Variants in CEMIP observed in about 807,000 individuals in gnomAD.
CEMIP encodes the protein cell migration inducing hyaluronidase 1.
A neutral mutation model predicts 156.9 loss-of-function variants in CEMIP; 105 were observed. The observed-to-expected ratio is 0.67, with a 90% CI of 0.57 to 0.79. The LOEUF is 0.79. Ranked by LOEUF, CEMIP falls within the 30% of genes least tolerant of loss-of-function variation. The pLI is 0.00. For missense variants in CEMIP, 1,457 were observed against 1,769.4 expected, an observed-to-expected ratio of 0.82 and a Z score of 3.17; for synonymous variants, 676 against 668.4, an observed-to-expected ratio of 1.01 and a Z score of -0.17.
chr15:80,780,754 G>C (rs1205803444), intron 1 of CEMIP, among the ~76,000 whole-genome samples: 1 of 152,340 alleles, frequency 6.6e-6, no homozygotes, highest in East Asian at 1.9e-4. Context: ...GGGAGCCGGC[G>C]GCTCTGCGTG....
intron 1 of CEMIP, among the ~76,000 whole-genome samples, chr15:80,800,042 T>TGG (rs1348611833): frequency 1.3e-5 from 2 of 150,832 alleles, no homozygotes; most frequent in Non-Finnish European, 3.0e-5. Context: ...TGTGTGTGTG[T>TGG]GTGTGTGTGT....
chr15:80,781,511 C>T (rs1206721408), intron 1 of CEMIP, among the ~76,000 whole-genome samples: 3 of 152,172 alleles, frequency 2.0e-5, no homozygotes, highest in African/African-American at 7.2e-5. Context: ...TGGTAAGAAA[C>T]GACACTGGAT....
chr15:80,814,649 A>G (rs1031601487), intron 1 of CEMIP, among the ~76,000 whole-genome samples: 22 of 152,116 alleles, frequency 1.4e-4, no homozygotes, highest in African/African-American at 4.8e-4. Context: ...CTTCAGTTGG[A>G]CCTCAAAGGA....
intron 10 of CEMIP, among the ~76,000 whole-genome samples, chr15:80,892,193 T>C (rs1378610494): frequency 6.6e-6 from 1 of 152,124 alleles, no homozygotes; most frequent in Non-Finnish European, 1.5e-5. Flanking sequence ...ATACCTGCCA[T>C]GCACTGACAT....
chr15:80,946,655 C>T lies in CEMIP; in HGVS notation c.3858-310C>T, dbSNP rs115156548. Reference sequence around the variant, plus strand: ...CTGTGTGCCGAGCCCTGGCATGGTACGCTCTGCTTACATCCTCTCCTCTGT... The same window carrying T: ...CTGTGTGCCGAGCCCTGGCATGGTATGCTCTGCTTACATCCTCTCCTCTGT... On this transcript the variant is annotated intron_variant, in intron 28 of 29. Transcript: ENST00000394685. 3,502 of 386,650 alleles carry T rather than the reference C, an allele frequency of 9.1e-3. 116 individuals are homozygous for T. The highest frequency in any genetic ancestry group is 0.065 in the African/African-American group (3,172 of 48,772). 24.0% of individuals were successfully genotyped at this position (386,650 alleles called of 1,614,324 possible).
rs71455356 is a variant in CEMIP at position 80,839,289 on chromosome 15, A to ATGTGTGTGTGTGT, written c.-175-34249_-175-34248insTGTGTGTGTGTGT. Reference sequence around the variant, plus strand: ...TGAAGGCTGTGGAGTCAAGGCCGTGAGTGTGTGTGTGTGTGTGTGTGTGTG... The same window carrying ATGTGTGTGTGTGT: ...TGAAGGCTGTGGAGTCAAGGCCGTGATGTGTGTGTGTGTGTGTGTGTGTGTGTGTGTGTGTGTG... On this transcript the variant is annotated intron_variant, in intron 1 of 29. Transcript: ENST00000394685. Among the ~76,000 whole-genome samples the ATGTGTGTGTGTGT allele has an allele frequency of 6.7e-4, 88 of 131,186 alleles. 1 individual carries two copies. Among genetic ancestry groups the ATGTGTGTGTGTGT allele is most frequent in the African/African-American group, 2.5e-3 (82 of 32,664 alleles). The allele number at this position is 131,186 out of a possible 152,430, so 86.1% of individuals were successfully genotyped here.
At chr15:80,885,742 C>G (rs979616571) in intron 7 of CEMIP, among the ~76,000 whole-genome samples, 1 of 152,132 alleles carries the variant, frequency 6.6e-6, no homozygotes, top group Non-Finnish European at 1.5e-5. Context: ...GACTATAGGA[C>G]AATTAAATGT....
At chr15:80,803,951 G>A (rs1435377632) in intron 1 of CEMIP, among the ~76,000 whole-genome samples, 1 of 152,200 alleles carries the variant, frequency 6.6e-6, no homozygotes, top group Non-Finnish European at 1.5e-5. Context: ...AGATTTAATG[G>A]ACTCACAGTT....
chr15:80,796,730 T>C lies in CEMIP; in HGVS notation c.-176+17116T>C, dbSNP rs150319794. The stretch of plus-strand genomic sequence containing the variant: ...TTAATCAACCACTCTACACCAGACA[T>C]GGAGAATGCAAAACCCAGTAACTTA... On this transcript the variant is annotated intron_variant, in intron 1 of 29. Transcript: ENST00000394685. 5.8e-4 allele frequency among the ~76,000 whole-genome samples: 89 copies of C among 152,284 alleles called. 1 individual carries two copies. The highest frequency in any genetic ancestry group is 4.6e-3 in the South Asian group (22 of 4,828).
At chr15:80,779,735 CTGTT>C (rs1049807779) in intron 1 of CEMIP, 121 bp downstream of exon 1, 24 of 152,464 alleles carry the variant, frequency 1.6e-4, no homozygotes, top group African/African-American at 5.3e-4. Context: ...GCCTCAGTTT[CTGTT>C]TGTCTGTCCA....
At chr15:80,900,433 C>G (rs1242078907) in intron 12 of CEMIP, among the ~76,000 whole-genome samples, 1 of 152,142 alleles carries the variant, frequency 6.6e-6, no homozygotes, top group African/African-American at 2.4e-5. Context: ...ACTGCCTGTG[C>G]TTGTTTCCGC....
intron 1 of CEMIP, among the ~76,000 whole-genome samples, chr15:80,806,262 C>G (rs2759306): frequency 0.34 from 51,916 of 151,956 alleles, 10,320 homozygotes; most frequent in Non-Finnish European, 0.46. Context: ...TGACTTGGTC[C>G]AAGGTATTCA....
chr15:80,850,319 T>C (rs1897682425), intron 1 of CEMIP, among the ~76,000 whole-genome samples: 1 of 152,160 alleles, frequency 6.6e-6, no homozygotes, highest in Admixed American at 6.5e-5. Flanking sequence ...CTCTGTCGCC[T>C]AGGCTGGAGT....
rs1045797913 is a variant in CEMIP, at chr15:80,936,798, C to G, written c.3134C>G (p.Pro1045Arg). The G allele has an allele frequency of 6.2e-7, 1 of 1,614,026 alleles. No homozygotes were observed. The highest frequency in any genetic ancestry group is 1.7e-5 in the Admixed American group (1 of 60,008). The stretch of plus-strand genomic sequence containing the variant: ...AGCACCCATTACCAGCAATACCAAC[C>G]GGTTGTCACCCTGCAGAAGGGCTAC... ...TRSTHYQQYQ[P>R]VVTLQKGYTI... The change falls in exon 24 of 30, where the codon CCG (proline) becomes CGG (arginine). Residue 1045 changes from proline to arginine, a missense_variant. Pro to Arg is a moderately radical substitution (Grantham distance 103). Coordinates refer to ENST00000394685, the MANE Select transcript of CEMIP (RefSeq NM_001293298.2).
intron 1 of CEMIP, among the ~76,000 whole-genome samples, chr15:80,795,255 T>A (rs1896190038): frequency 6.6e-6 from 1 of 152,090 alleles, no homozygotes; most frequent in African/African-American, 2.4e-5. Context: ...TCTGTTTTTT[T>A]TAAAGGGATC....
intron 1 of CEMIP, among the ~76,000 whole-genome samples, chr15:80,859,849 C>A (rs745362008): frequency 3.3e-4 from 50 of 152,306 alleles, no homozygotes; most frequent in South Asian, 6.2e-4. Flanking sequence ...TGCTGTACCT[C>A]TAGAAGGGTT....
intron 12 of CEMIP, among the ~76,000 whole-genome samples, chr15:80,901,315 T>C (rs149363116): frequency 2.6e-5 from 4 of 152,346 alleles, no homozygotes; most frequent in African/African-American, 9.6e-5. Context: ...CTGAGGCTCA[T>C]GGAAATTAAA....
chr15:80,894,353 G>A (rs1043883266), intron 10 of CEMIP, among the ~76,000 whole-genome samples: 3 of 152,178 alleles, frequency 2.0e-5, no homozygotes, highest in Non-Finnish European at 4.4e-5. Context: ...ACCTCTCTGA[G>A]GATGAGTTTC....
In CEMIP at chr15:80,943,085, G is replaced by A. The variant is rs1567112993; in HGVS notation, c.3840G>A (p.Val1280=). 1.2e-6 allele frequency: 2 copies of A among 1,614,222 alleles called. No homozygotes were observed. The highest frequency in any genetic ancestry group is 1.7e-6 in the Non-Finnish European group (2 of 1,180,040). ...TACCATGGCAGCTTTTCAACTATGT[G>A]GCGACCATCCCTGACAAGTGAGTCT... The part of the protein sequence containing the change: ...QGIPWQLFNY[V]ATIPDNSIVL... The change falls in exon 28 of 30, where the codon GTG becomes GTA. Residue 1280 remains valine, a synonymous_variant. Transcript: ENST00000394685.
Sources: gnomAD v4.1 joint callset for allele counts (sites outside exome capture counted in the v4.1 genomes callset) on GRCh38, gnomAD v4.1.1 for gene constraint, MANE v1.5 for transcripts, NCBI Gene and HGNC (gene_info 2026-07-23, HGNC 2026-07-21) for gene names.